The following HERC1 variants were observed in gnomAD, a reference collection of about 807,000 sequenced individuals.
HERC1 encodes probable E3 ubiquitin-protein ligase HERC1.
A neutral mutation model predicts 554.3 loss-of-function variants in HERC1; 160 were observed. The ratio of observed to expected loss-of-function variants is 0.29; its 90% CI spans 0.25 to 0.33. HERC1 has a LOEUF of 0.33. HERC1 is among the 10% of genes least tolerant of loss of function. The pLI is 1.00. For missense variants in HERC1, 4,919 were observed against 5,918.5 expected, an observed-to-expected ratio of 0.83 and a Z score of 5.54; for synonymous variants, 2,175 against 2,131.7, an observed-to-expected ratio of 1.02 and a Z score of -0.56.
At chr15:63,642,205 T>C (rs554284756) in intron 59 of HERC1, among the ~76,000 whole-genome samples, 1 of 152,350 alleles carries the variant, frequency 6.6e-6, no homozygotes, top group Admixed American at 6.5e-5. Flanking sequence ...AATAATGTTA[T>C]ATCATAGAAT....
intron 3 of HERC1, among the ~76,000 whole-genome samples, chr15:63,760,644 A>T (rs1212410277): frequency 1.3e-5 from 2 of 151,964 alleles, no homozygotes; most frequent in Non-Finnish European, 2.9e-5. Context: ...TTTAGAAATT[A>T]AAAAATTTAA....
intron 55 of HERC1, among the ~76,000 whole-genome samples, chr15:63,647,511 A>G (rs2069419208): frequency 2.0e-5 from 3 of 152,220 alleles, no homozygotes; most frequent in Admixed American, 2.0e-4. Flanking sequence ...ATCTACCCAA[A>G]GGAAAATAAT....
intron 1 of HERC1, among the ~76,000 whole-genome samples, chr15:63,816,823 G>A (rs1414581676): frequency 6.6e-6 from 1 of 152,104 alleles, no homozygotes; most frequent in East Asian, 1.9e-4. Flanking sequence ...AATGAAGAAG[G>A]AATAATAGAA....
At chr15:63,769,935 TTTTTTTCCCCTCAC>T (rs2075898734) in intron 2 of HERC1, among the ~76,000 whole-genome samples, 1 of 152,042 alleles carries the variant, frequency 6.6e-6, no homozygotes, top group African/African-American at 2.4e-5. Flanking sequence ...TAAATGACAA[TTTTTTTCCCCTCAC>T]ATTTGTCTGC....
At chr15:63,708,758 G>A (rs569288542) in intron 24 of HERC1, among the ~76,000 whole-genome samples, 10 of 152,188 alleles carry the variant, frequency 6.6e-5, no homozygotes, top group Admixed American at 4.6e-4. Flanking sequence ...AGATATGAAC[G>A]GTAATCTTAA....
chr15:63,797,634 A>G (rs1174084826), intron 1 of HERC1, among the ~76,000 whole-genome samples: 1 of 152,178 alleles, frequency 6.6e-6, no homozygotes, highest in African/African-American at 2.4e-5. Context: ...AAATACATCA[A>G]TTTGAATAAT....
In HERC1 at chr15:63,683,135, C is replaced by CAA. The variant is rs1336396917; in HGVS notation, c.6226-2361_6226-2360dup. On this transcript the variant is annotated intron_variant, in intron 34 of 77. Transcript: ENST00000443617. ...TGGGCAACAGAGCTACACTCTGTCT[C>CAA]AAAAAAAAAAAAAAAAAAAGAAAGA... is the stretch of plus-strand genomic sequence containing the variant. Among the ~76,000 whole-genome samples the CAA allele has an allele frequency of 6.3e-3, 485 of 77,532 alleles. 2 individuals carry two copies. The highest frequency in any genetic ancestry group is 0.012 in the African/African-American group (223 of 18,590). 50.9% of individuals were successfully genotyped at this position (77,532 alleles called of 152,430 possible). A position where few individuals can be genotyped will look rare whatever the true frequency, so the allele number is the denominator to read the frequency against.
rs564391667 is a variant in HERC1 at position 63,709,303 on chromosome 15, C to T, written c.4585-2472G>A. ...GGGGTTACAGGCATGAGCCACTGCGCCTGGCCCAATCTTTTTTAAAAATGG... is the reference window on the plus strand; with the variant it reads ...GGGGTTACAGGCATGAGCCACTGCGTCTGGCCCAATCTTTTTTAAAAATGG... On this transcript the variant is annotated intron_variant, in intron 24 of 77. Transcript: ENST00000443617. 3.9e-5 allele frequency among the ~76,000 whole-genome samples: 6 copies of T among 152,214 alleles called. No individual in the cohort carries two copies. In the South Asian group the frequency reaches 1.2e-3, roughly 32 times the overall value.
rs1178536023 is a variant in HERC1 at position 63,662,989 on chromosome 15, T to C, written c.8896A>G (p.Thr2966Ala). Residue 2966 changes from threonine to alanine, a missense_variant, in exon 44 of 78, where the codon ACC becomes GCC. Physicochemically the swap from Thr to Ala is moderately conservative, Grantham distance 58. This residue lies in a region of HERC1 where 1,963 missense variants were observed against 2,228.6 expected (regional missense o/e 0.88). Coordinates refer to ENST00000443617, the MANE Select transcript of HERC1 (RefSeq NM_003922.4). Reference sequence around the variant, plus strand: ...CCCGCTGCAGTCACACACACCCAGGTAGGCCAATCCAGTACCTCTGGGATC... The same window carrying C: ...CCCGCTGCAGTCACACACACCCAGGCAGGCCAATCCAGTACCTCTGGGATC... ...MWIPEVLDWP[T>A]WHVCESEDRE... is the part of the protein sequence containing the mutation. 2 of 1,613,540 alleles carry C rather than the reference T, an allele frequency of 1.2e-6. No individual in the cohort carries two copies. Among genetic ancestry groups the C allele is most frequent in the Non-Finnish European group, 1.7e-6 (2 of 1,179,478 alleles).
In HERC1 at chr15:63,784,353, A is replaced by G. The variant is rs527889015; in HGVS notation, c.-26-8704T>C. 5.3e-5 allele frequency among the ~76,000 whole-genome samples: 8 copies of G among 152,290 alleles called. No individual in the cohort carries two copies. In the South Asian group the frequency reaches 1.0e-3, roughly 20 times the overall value. On this transcript the variant is annotated intron_variant, in intron 1 of 77. Transcript: ENST00000443617. ...TTCACAAAACAACTAAAATGGAGCA[A>G]TCTCCAAGATACACTGTTAAAAAAG...
chr15:63,666,073 C>T lies in HERC1; in HGVS notation c.8401G>A (p.Glu2801Lys). The T allele has an allele frequency of 1.9e-6, 3 of 1,614,062 alleles. No homozygotes were observed. The highest frequency in any genetic ancestry group is 2.5e-6 in the Non-Finnish European group (3 of 1,179,890). The change falls in exon 42 of 78, where the codon GAA (glutamate) becomes AAA (lysine). Residue 2801 changes from glutamate to lysine, a missense_variant. Physicochemically the swap from Glu to Lys is moderately conservative, Grantham distance 56 (BLOSUM62 1). Transcript: ENST00000443617. ...WMIEHPGHEDEEEPQSGSTAD... is the reference protein window; with the variant it reads ...WMIEHPGHEDKEEPQSGSTAD... The stretch of plus-strand genomic sequence containing the variant: ...GTGCTGCCCGACTGGGGCTCCTCTT[C>T]ATCCTCATGCCCAGGGTGCTCTATC...
rs746328257 is a variant in HERC1, at chr15:63,641,453, T to C, written c.11607+17A>G. ...CCAGGTATCTGTGTATCTCTAGGAG[T>C]GAGTGTAATGAGTTACCTTTTCATA... On this transcript the variant is annotated intron_variant, in intron 60 of 77. Coordinates refer to ENST00000443617, the MANE Select transcript of HERC1 (RefSeq NM_003922.4). 2 of 1,597,208 alleles carry C rather than the reference T, an allele frequency of 1.3e-6. No homozygotes were observed. Among genetic ancestry groups the C allele is most frequent in the Non-Finnish European group, 1.7e-6 (2 of 1,168,686 alleles).
chr15:63,767,017 T>C, intron 2 of HERC1, among the ~76,000 whole-genome samples: 1 of 151,128 alleles, frequency 6.6e-6, no homozygotes, highest in East Asian at 1.9e-4. Flanking sequence ...GTTTTTTTTT[T>C]TTGAAATGGA....
Position 63,686,382 on chromosome 15 carries a change from T to C in HERC1, c.6202A>G (p.Thr2068Ala). Residue 2068 changes from threonine (T) to alanine (A), a missense_variant, in exon 34 of 78, where the codon ACT becomes GCT. This residue lies in a region of HERC1 where 85 missense variants were observed against 163.2 expected (regional missense o/e 0.52). Coordinates refer to ENST00000443617, the MANE Select transcript of HERC1 (RefSeq NM_003922.4). ...KGYGLASTGV[T>A]SGCYQWKFYI... ...ACCTTCCACTGATAGCACCCAGAAG[T>C]TACTCCTGTAGATGCCAATCCATAT... 1.2e-6 allele frequency: 2 copies of C among 1,610,456 alleles called. No homozygotes were observed. The highest frequency in any genetic ancestry group is 1.7e-6 in the Non-Finnish European group (2 of 1,178,880).
Position 63,731,409 on chromosome 15 carries a change from T to C in HERC1, c.2868+1515A>G, listed in dbSNP as rs566390141. On this transcript the variant is annotated intron_variant, in intron 14 of 77. Transcript: ENST00000443617. Reference sequence around the variant, plus strand: ...CTACCCAAAAGCAGTTAGTATTTTATTTCCATTTCCATATAATATATAAAT... The same window carrying C: ...CTACCCAAAAGCAGTTAGTATTTTACTTCCATTTCCATATAATATATAAAT... 3.3e-5 allele frequency among the ~76,000 whole-genome samples: 5 copies of C among 152,334 alleles called. No homozygotes were observed. In the East Asian group the frequency reaches 7.7e-4, roughly 23 times the overall value.
intron 51 of HERC1, among the ~76,000 whole-genome samples, chr15:63,653,743 T>C (rs2069841572): frequency 6.6e-6 from 1 of 152,256 alleles, no homozygotes. Flanking sequence ...TTCATTTGTA[T>C]TATTTTTTAT....
chr15:63,784,644 G>T (rs554326085), intron 1 of HERC1, among the ~76,000 whole-genome samples: 1 of 151,018 alleles, frequency 6.6e-6, no homozygotes, highest in South Asian at 2.1e-4. Flanking sequence ...GTCTCACTCT[G>T]TCACCCAGGC....
intron 1 of HERC1, among the ~76,000 whole-genome samples, chr15:63,799,645 T>G (rs1466860767): frequency 6.6e-6 from 1 of 152,082 alleles, no homozygotes; most frequent in Non-Finnish European, 1.5e-5. Flanking sequence ...GGACTAGGCT[T>G]TGAAAGCAAA....
chr15:63,721,784 C>T (rs2073833034), intron 19 of HERC1, among the ~76,000 whole-genome samples: 1 of 152,138 alleles, frequency 6.6e-6, no homozygotes, highest in South Asian at 2.1e-4. Flanking sequence ...TCCCGATCAT[C>T]GTTAAAAAAA....
Sources: gnomAD v4.1 joint callset for allele counts (sites outside exome capture counted in the v4.1 genomes callset) on GRCh38, gnomAD v4.1.1 for gene constraint, gnomAD v4.1.1 regional missense constraint, MANE v1.5 for transcripts, NCBI Gene and HGNC (gene_info 2026-07-23, HGNC 2026-07-21) for gene names.